The following CTNNA3 variants were observed in gnomAD, a reference collection of about 807,000 sequenced individuals.
The protein encoded by CTNNA3 is catenin alpha 3, also known as catenin alpha-3.
In CTNNA3, 76 loss-of-function variants were observed where a neutral mutation model predicts 95.7. The ratio of observed to expected loss-of-function variants is 0.79; its 90% CI spans 0.66 to 0.96. CTNNA3 has a LOEUF of 0.96. CTNNA3 is among the 40% of genes least tolerant of loss of function. The pLI is 0.00. For synonymous variants in CTNNA3, 431 were observed against 374.4 expected (o/e 1.15, Z -1.74); for missense variants, 1,191 against 1,089.8 (o/e 1.09, Z -1.31).
At chr10:66,573,018 G>A (rs1382353849) in intron 10 of CTNNA3, among the ~76,000 whole-genome samples, 1 of 152,130 alleles carries the variant, frequency 6.6e-6, no homozygotes, top group African/African-American at 2.4e-5. Flanking sequence ...GATTACAAGT[G>A]TCTGTGCACA....
intron 3 of CTNNA3, among the ~76,000 whole-genome samples, chr10:67,566,043 G>GTGTATATATATATATATATATATATATA (rs1274109672): frequency 3.0e-4 from 8 of 26,952 alleles, no homozygotes; most frequent in Non-Finnish European, 3.8e-4. Context: ...ATGTGTGTGT[G>GTGTATATATATATATATATATATATATA]TATATATATA....
intron 7 of CTNNA3, among the ~76,000 whole-genome samples, chr10:67,148,999 T>C (rs1290962998): frequency 1.3e-5 from 2 of 152,146 alleles, no homozygotes; most frequent in Non-Finnish European, 2.9e-5. Context: ...AAATTCAACA[T>C]CCAAATTCAG....
chr10:67,568,388 A>C (rs1187858739), intron 3 of CTNNA3, among the ~76,000 whole-genome samples: 1 of 151,912 alleles, frequency 6.6e-6, no homozygotes, highest in African/African-American at 2.4e-5. Context: ...TTAAACAACA[A>C]ATGGCATTAT....
intron 5 of CTNNA3, among the ~76,000 whole-genome samples, chr10:67,316,044 A>G (rs113296923): frequency 0.015 from 2,284 of 152,300 alleles, 29 homozygotes; most frequent in Non-Finnish European, 0.026. Flanking sequence ...GAATAGTGAT[A>G]ATGGGATTTG....
intron 7 of CTNNA3, among the ~76,000 whole-genome samples, chr10:66,977,556 G>C (rs760025665): frequency 4.5e-4 from 68 of 152,146 alleles, no homozygotes; most frequent in Non-Finnish European, 8.4e-4. Context: ...AATTTTCTAT[G>C]CTTCACTGTC....
At chr10:66,254,770 C>A in intron 13 of CTNNA3, among the ~76,000 whole-genome samples, 1 of 152,302 alleles carries the variant, frequency 6.6e-6, no homozygotes, top group South Asian at 2.1e-4. Flanking sequence ...AACCAATGAT[C>A]TTTGGCTGAG....
intron 10 of CTNNA3, among the ~76,000 whole-genome samples, chr10:66,620,384 C>T (rs1304348418): frequency 2.0e-5 from 3 of 151,800 alleles, no homozygotes; most frequent in Admixed American, 6.6e-5. Flanking sequence ...AATTGGAAAA[C>T]GATATAAGCA....
chr10:67,218,634 CTCCT>C (rs1395854347), intron 6 of CTNNA3, among the ~76,000 whole-genome samples: 2 of 152,196 alleles, frequency 1.3e-5, no homozygotes, highest in Non-Finnish European at 2.9e-5. Flanking sequence ...CTAGCCATGA[CTCCT>C]TCCTTTCATT....
intron 13 of CTNNA3, among the ~76,000 whole-genome samples, chr10:66,272,868 G>T (rs190070768): frequency 4.6e-5 from 7 of 152,226 alleles, no homozygotes; most frequent in Non-Finnish European, 1.0e-4. Flanking sequence ...AGAAACCTCG[G>T]ATAGTAATGA....
chr10:66,492,526 C>T (rs569283759), intron 11 of CTNNA3, among the ~76,000 whole-genome samples: 2 of 151,452 alleles, frequency 1.3e-5, no homozygotes, highest in Non-Finnish European at 2.9e-5. Flanking sequence ...TGTTCATGCT[C>T]ATAAATGATT....
At chr10:66,595,430 A>C (rs1463132764) in intron 10 of CTNNA3, among the ~76,000 whole-genome samples, 2 of 151,482 alleles carry the variant, frequency 1.3e-5, no homozygotes, top group African/African-American at 4.9e-5. Flanking sequence ...TGCAGCCTCT[A>C]CCTCCCGGGT....
At chr10:66,153,848 T>TCCAC (rs2084335202) in intron 13 of CTNNA3, among the ~76,000 whole-genome samples, 1 of 148,948 alleles carries the variant, frequency 6.7e-6, no homozygotes, top group Non-Finnish European at 1.5e-5. Context: ...ATAATTTGTT[T>TCCAC]ACACACACAC....
At chr10:67,049,648 C>T (rs1489391060) in intron 7 of CTNNA3, among the ~76,000 whole-genome samples, 1 of 152,130 alleles carries the variant, frequency 6.6e-6, no homozygotes, top group Non-Finnish European at 1.5e-5. Context: ...ACCAACACAC[C>T]TGAATTTTCA....
chr10:67,378,110 C>A (rs1351048322), intron 5 of CTNNA3, among the ~76,000 whole-genome samples: 3 of 152,110 alleles, frequency 2.0e-5, no homozygotes, highest in African/African-American at 7.2e-5. Flanking sequence ...CTTCTCAGAC[C>A]CTAGTGTCCT....
At chr10:66,742,419 G>A (rs1179654416) in intron 9 of CTNNA3, among the ~76,000 whole-genome samples, 3 of 152,056 alleles carry the variant, frequency 2.0e-5, no homozygotes, top group Non-Finnish European at 4.4e-5. Flanking sequence ...TTTCGCCCAG[G>A]TCCTGTGGTC....
rs1001365044 is a variant in CTNNA3 at position 65,912,888 on chromosome 10, A to T, written c.*7442T>A. On this transcript the variant is annotated 3_prime_UTR_variant, in exon 18 of 18. Transcript: ENST00000433211. ...CAGAAAGGCCTACAGTATTTTTGCCAAATTTTATCTATAGCCAAAGCACAA... is the reference window on the plus strand; with the variant it reads ...CAGAAAGGCCTACAGTATTTTTGCCTAATTTTATCTATAGCCAAAGCACAA... 1 of 152,140 alleles carries T rather than the reference A, an allele frequency of 6.6e-6. No individual in the cohort carries two copies. The highest frequency in any genetic ancestry group is 2.4e-5 in the African/African-American group (1 of 41,436). The allele number at this position is 152,140 out of a possible 1,614,324, so 9.4% of individuals were successfully genotyped here.
At chr10:66,769,197 G>T (rs1288240676) in intron 8 of CTNNA3, among the ~76,000 whole-genome samples, 1 of 152,140 alleles carries the variant, frequency 6.6e-6, no homozygotes, top group Non-Finnish European at 1.5e-5. Context: ...AGGTGAAAAA[G>T]AACTATTGTC....
intron 10 of CTNNA3, among the ~76,000 whole-genome samples, chr10:66,542,897 T>C (rs909990862): frequency 7.2e-5 from 11 of 151,862 alleles, no homozygotes; most frequent in Non-Finnish European, 2.9e-5. Flanking sequence ...TAAAAATATA[T>C]ACATTAAAAA....
chr10:66,039,326 A>C (rs1475644161), intron 15 of CTNNA3, among the ~76,000 whole-genome samples: 1 of 152,232 alleles, frequency 6.6e-6, no homozygotes, highest in Non-Finnish European at 1.5e-5. Context: ...AGCAATTTAT[A>C]GATTCAATGC....
Sources: gnomAD v4.1 joint callset for allele counts (sites outside exome capture counted in the v4.1 genomes callset) on GRCh38, gnomAD v4.1.1 for gene constraint, MANE v1.5 for transcripts, NCBI Gene and HGNC (gene_info 2026-07-23, HGNC 2026-07-21) for gene names.